Variants in SHANK2 observed in about 807,000 individuals in gnomAD.
The protein encoded by SHANK2 is SH3 and multiple ankyrin repeat domains protein 2.
Under a neutral mutation model 133.7 loss-of-function variants are expected in SHANK2, and 43 were observed. The ratio of observed to expected loss-of-function variants is 0.32; its 90% CI spans 0.25 to 0.41. The LOEUF (loss-of-function observed/expected upper bound fraction) is 0.41. Among genes scored for constraint, SHANK2 ranks in the 10% least tolerant of loss-of-function variants. The probability of loss-of-function intolerance (pLI) is 1.00; values close to 1 mark genes in which losing one functional copy is unlikely to be tolerated. For synonymous variants in SHANK2, 1,017 were observed against 952.8 expected, an observed-to-expected ratio of 1.07 and a Z score of -1.24; for missense variants, 1,994 against 2,235.8, an observed-to-expected ratio of 0.89 and a Z score of 2.18.
At chr11:71,068,265 C>T (rs1226927454) in intron 9 of SHANK2, among the ~76,000 whole-genome samples, 1 of 152,208 alleles carries the variant, frequency 6.6e-6, no homozygotes, top group Admixed American at 6.5e-5. Context: ...GACACTCCTG[C>T]TGTTTAGAGC....
intron 11 of SHANK2, chr11:70,864,838 C>A: frequency 6.6e-6 from 1 of 152,572 alleles, no homozygotes; most frequent in Non-Finnish European, 1.5e-5. Flanking sequence ...CCAGCCTGGG[C>A]AACATGGCAA....
At chr11:70,880,407 C>T (rs1949641691) in intron 11 of SHANK2, among the ~76,000 whole-genome samples, 1 of 152,202 alleles carries the variant, frequency 6.6e-6, no homozygotes, top group African/African-American at 2.4e-5. Flanking sequence ...AGAAAAGGAA[C>T]ACCCTGAACA....
At chr11:70,826,583 C>G (rs1358791565) in intron 11 of SHANK2, 2 of 470,150 alleles carry the variant, frequency 4.3e-6, no homozygotes, top group Non-Finnish European at 8.8e-6. Flanking sequence ...CAGCCCGGCC[C>G]CTCGGTGCTA....
At chr11:71,097,206 AC>A (rs1280212465) in intron 6 of SHANK2, among the ~76,000 whole-genome samples, 1 of 151,482 alleles carries the variant, frequency 6.6e-6, no homozygotes, top group Non-Finnish European at 1.5e-5. Context: ...AGGTCAGGAG[AC>A]CCCCTCTTCC....
At chr11:70,550,884 G>A (rs1274299695) in intron 17 of SHANK2, among the ~76,000 whole-genome samples, 1 of 152,192 alleles carries the variant, frequency 6.6e-6, no homozygotes, top group Non-Finnish European at 1.5e-5. Flanking sequence ...GAGAAACATC[G>A]AGGTGTGGAT....
intron 10 of SHANK2, chr11:70,911,176 C>A (rs1555078955): frequency 2.2e-6 from 1 of 456,668 alleles, no homozygotes; most frequent in Admixed American, 2.3e-5. Context: ...ACGAAACACA[C>A]AGGCCTTAAG....
intron 17 of SHANK2, among the ~76,000 whole-genome samples, chr11:70,590,353 A>C (rs1158439909): frequency 6.6e-6 from 1 of 152,222 alleles, no homozygotes; most frequent in African/African-American, 2.4e-5. Flanking sequence ...AGGATTGAGA[A>C]TATTCCATAA....
Position 70,500,749 on chromosome 11 carries a change from G to T in SHANK2, c.2288-159C>A. 1 of 949,880 alleles carries T rather than the reference G, an allele frequency of 1.1e-6. No individual in the cohort carries two copies. Among genetic ancestry groups the T allele is most frequent in the Non-Finnish European group, 1.7e-6 (1 of 597,686 alleles). The allele number at this position is 949,880 out of a possible 1,614,324, so 58.8% of individuals were successfully genotyped here. Reference sequence around the variant, plus strand: ...CTGGAACGCTGCGAACGCAGGCTGCGCTATCCATGGAGTGGCTTTCCCCAA... The same window carrying T: ...CTGGAACGCTGCGAACGCAGGCTGCTCTATCCATGGAGTGGCTTTCCCCAA... On this transcript the variant is annotated intron_variant, in intron 20 of 25. Coordinates refer to ENST00000601538, the MANE Select transcript of SHANK2 (RefSeq NM_012309.5). The surrounding 1 kb of genome is among the most constrained non-coding windows in gnomAD (Gnocchi z 4.5).
intron 11 of SHANK2, among the ~76,000 whole-genome samples, chr11:70,866,961 C>T (rs376898819): frequency 1.3e-5 from 2 of 152,088 alleles, no homozygotes; most frequent in East Asian, 2.0e-4. Context: ...TTCACTCCCT[C>T]GCTGTGGCTC....
intron 14 of SHANK2, among the ~76,000 whole-genome samples, chr11:70,714,934 T>C (rs1945875479): frequency 1.3e-5 from 2 of 151,488 alleles, no homozygotes; most frequent in African/African-American, 2.4e-5. Context: ...GCCTCCCGAG[T>C]AGCTGAAACT....
At chr11:70,853,410 C>A (rs996274466) in intron 11 of SHANK2, among the ~76,000 whole-genome samples, 2 of 152,166 alleles carry the variant, frequency 1.3e-5, no homozygotes, top group South Asian at 4.1e-4. Context: ...AGGCTGAGTG[C>A]GTCGGCCATT....
In SHANK2 at chr11:71,221,165, C is replaced by T. The variant is rs544102175; in HGVS notation, c.-13+3532G>A. 4.2e-4 allele frequency among the ~76,000 whole-genome samples: 62 copies of T among 149,120 alleles called. 1 individual carries two copies. Among genetic ancestry groups the T allele is most frequent in the African/African-American group, 1.5e-3 (62 of 40,356 alleles). ...GCAGTGAGCCGAGATCATGCCACTG[C>T]ACTCCAGCCTGGGCAACACAGTGAG... is the stretch of plus-strand genomic sequence containing the variant. On this transcript the variant is annotated intron_variant, in intron 2 of 25. Transcript: ENST00000601538.
intron 14 of SHANK2, among the ~76,000 whole-genome samples, chr11:70,699,443 T>C (rs1945474106): frequency 6.6e-6 from 1 of 152,054 alleles, no homozygotes; most frequent in Non-Finnish European, 1.5e-5. Context: ...ACATAGCAGC[T>C]CACGAGTTCC....
At chr11:70,800,947 T>C (rs1948031217) in intron 13 of SHANK2, among the ~76,000 whole-genome samples, 1 of 152,186 alleles carries the variant, frequency 6.6e-6, no homozygotes, top group Non-Finnish European at 1.5e-5. Flanking sequence ...ACTGCATAGG[T>C]AGAGATTGGT....
chr11:71,108,679 G>A (rs1012419518), intron 6 of SHANK2, among the ~76,000 whole-genome samples: 4 of 152,202 alleles, frequency 2.6e-5, no homozygotes, highest in African/African-American at 4.8e-5. Flanking sequence ...AGGGCCTGGG[G>A]CTGCTCAGCT....
intron 2 of SHANK2, among the ~76,000 whole-genome samples, chr11:71,205,354 G>C (rs1246874868): frequency 6.6e-5 from 10 of 152,296 alleles, no homozygotes; most frequent in Admixed American, 5.9e-4. Context: ...GCACCACCCT[G>C]ACCCTCAATC....
chr11:70,785,733 T>C lies in SHANK2; in HGVS notation c.1777+12710A>G, dbSNP rs1947637965. On this transcript the variant is annotated intron_variant, in intron 14 of 25. Coordinates refer to ENST00000601538, the MANE Select transcript of SHANK2 (RefSeq NM_012309.5). ...CTGCCACACCTTCCAGGGGCTCACA[T>C]GTTCCAGGACAGGGGGTGCAGTGAC... Among the ~76,000 whole-genome samples, 2 of 152,172 alleles carry C rather than the reference T, an allele frequency of 1.3e-5. 1 individual carries two copies. The highest frequency in any genetic ancestry group is 4.1e-4 in the South Asian group (2 of 4,834).
intron 17 of SHANK2, among the ~76,000 whole-genome samples, chr11:70,515,996 T>A (rs2059261759): frequency 6.6e-6 from 1 of 152,216 alleles, no homozygotes; most frequent in Non-Finnish European, 1.5e-5. Flanking sequence ...TTCAGTGTGT[T>A]TGTTTTGGGC....
At position 71,113,295 on chromosome 11, in the gene SHANK2, T is replaced by A; in HGVS notation, c.481A>T (p.Lys161Ter). 6.4e-7 allele frequency: 1 copy of A among 1,551,706 alleles called. No homozygotes were observed. Among genetic ancestry groups the A allele is most frequent in the South Asian group, 1.2e-5 (1 of 84,054 alleles). The change falls in exon 5 of 26, where the codon AAG becomes TAG. Residue 161 changes from lysine (K) to a stop codon, truncating the protein, a stop_gained and splice_region_variant. Coordinates refer to ENST00000601538, the MANE Select transcript of SHANK2 (RefSeq NM_012309.5). LOFTEE classifies it high-confidence loss of function. Reference protein sequence around the residue: ...DEKQLAKLHTKTNLKKCMDHI... With the variant: ...DEKQLAKLHT ...ATAACAGCCCGTTCCCTGCATACCTTCGTGTGGAGCTTGGCCAACTGTTTC... is the reference window on the plus strand; with the variant it reads ...ATAACAGCCCGTTCCCTGCATACCTACGTGTGGAGCTTGGCCAACTGTTTC...
Sources: gnomAD v4.1 joint callset for allele counts (sites outside exome capture counted in the v4.1 genomes callset) on GRCh38, gnomAD v4.1.1 for gene constraint, Gnocchi (gnomAD v3.1) non-coding constraint, MANE v1.5 for transcripts, NCBI Gene and HGNC (gene_info 2026-07-23, HGNC 2026-07-21) for gene names.